PPP2R2B: variants seen among roughly 807,000 people sequenced by gnomAD.
PPP2R2B encodes the protein protein phosphatase 2 regulatory subunit Bbeta, also known as serine/threonine-protein phosphatase 2A 55 kDa regulatory subunit B beta isoform.
In PPP2R2B, 5 loss-of-function variants were observed where a neutral mutation model predicts 46.0. The ratio of observed to expected loss-of-function variants is 0.11; its 90% CI spans 0.06 to 0.23. The LOEUF (loss-of-function observed/expected upper bound fraction) is 0.23. PPP2R2B is among the 10% of genes least tolerant of loss of function. PPP2R2B has a pLI of 1.00. For missense variants in PPP2R2B, 367 were observed against 575.0 expected (o/e 0.64, Z 3.70); for synonymous variants, 215 against 206.7 (o/e 1.04, Z -0.34).
rs79064828 is a variant in PPP2R2B, at chr5:146,711,086, C to G, written c.71-9944G>C. Reference sequence around the variant, plus strand: ...ACTTTGCCTTTATAAGTTATCACCACTAATCATTAGCATTTATCACAATGA... The same window carrying G: ...ACTTTGCCTTTATAAGTTATCACCAGTAATCATTAGCATTTATCACAATGA... On this transcript the variant is annotated intron_variant, in intron 2 of 9. Transcript: ENST00000394411. 3.1e-3 allele frequency among the ~76,000 whole-genome samples: 468 copies of G among 152,326 alleles called. 4 individuals are homozygous for G. Among genetic ancestry groups the G allele is most frequent in the African/African-American group, 0.01 (435 of 41,578 alleles).
intron 2 of PPP2R2B, among the ~76,000 whole-genome samples, chr5:147,068,519 A>G (rs1320395307): frequency 6.6e-6 from 1 of 152,234 alleles, no homozygotes; most frequent in East Asian, 1.9e-4. Flanking sequence ...TTTTTAAAAT[A>G]AAGTTTGTTA....
chr5:146,731,010 C>A (rs765166466), intron 2 of PPP2R2B, among the ~76,000 whole-genome samples: 22 of 152,166 alleles, frequency 1.4e-4, no homozygotes, highest in Non-Finnish European at 3.1e-4. Context: ...CAGCCATGTA[C>A]GAGGTGTGAG....
chr5:146,706,230 A>T (rs947504589), intron 2 of PPP2R2B, among the ~76,000 whole-genome samples: 2 of 152,108 alleles, frequency 1.3e-5, no homozygotes, highest in Admixed American at 6.5e-5. Flanking sequence ...AAATCAGAGG[A>T]CACCAGCTTC....
intron 7 of PPP2R2B, among the ~76,000 whole-genome samples, chr5:146,626,224 ACGGGCAGC>A: frequency 6.6e-6 from 1 of 152,044 alleles, no homozygotes; most frequent in Admixed American, 6.6e-5. Context: ...GAGGGGAAAA[ACGGGCAGC>A]TAATACAGAG....
chr5:146,989,122 C>A (rs1311006950), intron 1 of PPP2R2B, among the ~76,000 whole-genome samples: 1 of 151,954 alleles, frequency 6.6e-6, no homozygotes. Flanking sequence ...AGTCTCCCAT[C>A]AAAGAAAAGT....
At chr5:146,836,184 C>A (rs1224784288) in intron 2 of PPP2R2B, among the ~76,000 whole-genome samples, 1 of 152,152 alleles carries the variant, frequency 6.6e-6, no homozygotes, top group Non-Finnish European at 1.5e-5. Flanking sequence ...CAGCTGCCAA[C>A]AAATTTATTA....
At chr5:146,934,583 G>GAAAAAAAAAAAAAAAAAAAAAA (rs3062352) in intron 1 of PPP2R2B, among the ~76,000 whole-genome samples, 1 of 31,488 alleles carries the variant, frequency 3.2e-5, no homozygotes. Context: ...TTTTTCATAA[G>GAAAAAAAAAAAAAAAAAAAAAA]AAAAAAAAAA....
chr5:146,706,275 C>T (rs1581918610), intron 2 of PPP2R2B: 2 of 501,654 alleles, frequency 4.0e-6, no homozygotes, highest in East Asian at 4.7e-5. Flanking sequence ...ACAACCATGG[C>T]CCTGGTGGAG....
In PPP2R2B at chr5:146,586,012, T is replaced by C. The variant is rs531898006; in HGVS notation, c.*3935A>G. 1.6e-4 allele frequency: 25 copies of C among 152,228 alleles called. No homozygotes were observed. The highest frequency in any genetic ancestry group is 9.2e-4 in the Admixed American group (14 of 15,290). The allele number at this position is 152,228 out of a possible 1,614,324, so 9.4% of individuals were successfully genotyped here. ...TCCCTTGGAAAGCAGTCCCTGAGAG[T>C]TGACTTAGAAGTTCAGGGGGAAGAG... On this transcript the variant is annotated 3_prime_UTR_variant, in exon 10 of 10. Transcript: ENST00000394411.
intron 2 of PPP2R2B, among the ~76,000 whole-genome samples, chr5:146,758,039 G>A (rs945952677): frequency 2.0e-5 from 3 of 152,152 alleles, no homozygotes; most frequent in Non-Finnish European, 4.4e-5. Flanking sequence ...CAGATATGGA[G>A]CTTGGCATTG....
At chr5:146,961,306 T>G (rs1752162839) in intron 1 of PPP2R2B, among the ~76,000 whole-genome samples, 1 of 152,224 alleles carries the variant, frequency 6.6e-6, no homozygotes, top group African/African-American at 2.4e-5. Flanking sequence ...TATGACTATT[T>G]ACTTAGAATA....
chr5:146,885,553 T>C (rs1762294511), intron 1 of PPP2R2B, among the ~76,000 whole-genome samples: 1 of 152,216 alleles, frequency 6.6e-6, no homozygotes. Context: ...CAGCCACAAA[T>C]AGTTTGCCAG....
chr5:146,651,709 G>T (rs1775972504), intron 5 of PPP2R2B, among the ~76,000 whole-genome samples: 1 of 152,110 alleles, frequency 6.6e-6, no homozygotes. Flanking sequence ...AATAACCAAA[G>T]CTATTTTCTT....
chr5:146,817,544 T>C (rs1433753733), intron 2 of PPP2R2B, among the ~76,000 whole-genome samples: 1 of 152,252 alleles, frequency 6.6e-6, no homozygotes, highest in Non-Finnish European at 1.5e-5. Flanking sequence ...TTTTTTATTG[T>C]GAGCCTTTTC....
chr5:146,788,769 C>A (rs147943879), intron 2 of PPP2R2B, among the ~76,000 whole-genome samples: 90 of 152,232 alleles, frequency 5.9e-4, no homozygotes, highest in African/African-American at 2.1e-3. Context: ...GAAGGGTACT[C>A]TTTAAATATA....
chr5:146,584,795 G>A lies in PPP2R2B; in HGVS notation c.*5152C>T, dbSNP rs1372947401. ...AGGAAAAAGGGGTAGGCTAGTTCTA[G>A]TATGTCGAAAATGTGTTTCTAATGG... On this transcript the variant is annotated 3_prime_UTR_variant, in exon 10 of 10. Transcript: ENST00000394411. 1.3e-5 allele frequency: 2 copies of A among 152,170 alleles called. No individual in the cohort carries two copies. The highest frequency in any genetic ancestry group is 2.9e-5 in the Non-Finnish European group (2 of 68,020). 9.4% of individuals were successfully genotyped at this position (152,170 alleles called of 1,614,324 possible).
At chr5:147,036,124 A>C (rs1183494365) in intron 1 of PPP2R2B, among the ~76,000 whole-genome samples, 2 of 152,174 alleles carry the variant, frequency 1.3e-5, no homozygotes, top group Non-Finnish European at 2.9e-5. Context: ...AACTAAGCCC[A>C]GAATCCATTA....
chr5:146,694,356 C>T (rs533731558), intron 4 of PPP2R2B, among the ~76,000 whole-genome samples: 7 of 152,282 alleles, frequency 4.6e-5, no homozygotes, highest in African/African-American at 9.6e-5. Flanking sequence ...TATATAGTCA[C>T]GTGATTAGCT....
At chr5:146,603,877 T>A (rs1315323208) in intron 7 of PPP2R2B, among the ~76,000 whole-genome samples, 1 of 152,196 alleles carries the variant, frequency 6.6e-6, no homozygotes, top group African/African-American at 2.4e-5. Context: ...CATTTTGAAC[T>A]CACATCTATC....
Sources: allele counts gnomAD v4.1 joint callset (sites outside exome capture counted in the v4.1 genomes callset), GRCh38; gene constraint gnomAD v4.1.1; transcripts MANE v1.5; gene names NCBI Gene and HGNC (gene_info 2026-07-23, HGNC 2026-07-21).